The following ZNF708 variants were observed in gnomAD, a reference collection of about 807,000 sequenced individuals.
ZNF708 encodes zinc finger protein 708, also known as ZNF15, ZNF15L1.
A neutral mutation model predicts 47.0 loss-of-function variants in ZNF708; 44 were observed. The observed-to-expected ratio is 0.94, with a 90% CI of 0.74 to 1.20. The LOEUF (loss-of-function observed/expected upper bound fraction) is 1.20. Among genes scored for constraint, ZNF708 ranks in the 50% most tolerant of loss-of-function variants. The pLI is 0.00. For missense variants in ZNF708, 557 were observed against 656.0 expected (o/e 0.85, Z 1.65); for synonymous variants, 184 against 218.5 (o/e 0.84, Z 1.39).
intron 1 of ZNF708, among the ~76,000 whole-genome samples, chr19:21,327,532 CAAAA>C (rs34203181): frequency 7.5e-6 from 1 of 133,870 alleles, no homozygotes; most frequent in Non-Finnish European, 1.6e-5. Context: ...AACTCCACCT[CAAAA>C]AAAAAAAAAA....
chr19:21,316,592 A>T (rs546267967), intron 1 of ZNF708, among the ~76,000 whole-genome samples: 2 of 152,290 alleles, frequency 1.3e-5, no homozygotes, highest in African/African-American at 4.8e-5. Flanking sequence ...TATCTATTCA[A>T]TGCACACATG....
chr19:21,293,398 T>C lies in ZNF708; in HGVS notation c.1568A>G (p.Lys523Arg), dbSNP rs148131308. Residue 523 changes from lysine (K) to arginine (R), a missense_variant, in exon 4 of 4, where the codon AAG becomes AGG. Coordinates refer to ENST00000356929, the MANE Select transcript of ZNF708 (RefSeq NM_021269.3). ...GGGTTTCTCTCCAGTATGAATTATC[T>C]TATGTTTCATAAGGGTTGAGGACTG... ...FNQSSTLMKH[K>R]IIHTGEKPYK... 6.2e-7 allele frequency: 1 copy of C among 1,613,720 alleles called. No homozygotes were observed. The highest frequency in any genetic ancestry group is 1.3e-5 in the African/African-American group (1 of 75,018).
rs537628421 is a variant in ZNF708, at chr19:21,323,699, T to C, written c.3+5511A>G. 2.6e-5 allele frequency among the ~76,000 whole-genome samples: 4 copies of C among 152,280 alleles called. No homozygotes were observed. The East Asian group carries it at 7.7e-4, about 29-fold the overall frequency. Reference sequence around the variant, plus strand: ...CTTCAGTAAGACCCTCCCAATCCCCTTTCATTTTAACATCAACTGCATCCA... The same window carrying C: ...CTTCAGTAAGACCCTCCCAATCCCCCTTCATTTTAACATCAACTGCATCCA... On this transcript the variant is annotated intron_variant, in intron 1 of 3. Coordinates refer to ENST00000356929, the MANE Select transcript of ZNF708 (RefSeq NM_021269.3).
At chr19:21,300,070 G>C (rs768564290) in intron 3 of ZNF708, among the ~76,000 whole-genome samples, 5 of 152,160 alleles carry the variant, frequency 3.3e-5, no homozygotes, top group Non-Finnish European at 5.9e-5. Flanking sequence ...CAAGCACTTT[G>C]GGAGGAAGGC....
intron 1 of ZNF708, among the ~76,000 whole-genome samples, chr19:21,323,127 G>C (rs1005362950): frequency 1.3e-5 from 2 of 152,168 alleles, no homozygotes; most frequent in African/African-American, 4.8e-5. Flanking sequence ...AGACAATCCA[G>C]ATAAATAACT....
intron 3 of ZNF708, among the ~76,000 whole-genome samples, chr19:21,307,600 TGACAGAGTGA>T (rs1415070594): frequency 6.6e-6 from 1 of 151,776 alleles, no homozygotes; most frequent in African/African-American, 2.4e-5. Flanking sequence ...ACAGCCTGGG[TGACAGAGTGA>T]GACTCAGTTT....
intron 1 of ZNF708, among the ~76,000 whole-genome samples, chr19:21,314,532 G>T (rs908899566): frequency 6.6e-6 from 1 of 152,110 alleles, no homozygotes; most frequent in African/African-American, 2.4e-5. Context: ...ACATCTATTT[G>T]CTATACCAAC....
chr19:21,297,094 T>C (rs1007412284), intron 3 of ZNF708, among the ~76,000 whole-genome samples: 11 of 151,064 alleles, frequency 7.3e-5, no homozygotes, highest in African/African-American at 2.7e-4. Context: ...GATTGCACCA[T>C]TGTAATCCAG....
chr19:21,310,662 G>C (rs908674826), intron 1 of ZNF708, 35 bp from the exon 2 acceptor site: 2 of 1,420,638 alleles, frequency 1.4e-6, no homozygotes, highest in Non-Finnish European at 1.8e-6. Context: ...TATTTACCAA[G>C]TGGTTATGGA....
At chr19:21,328,415 T>G (rs1231205899) in intron 1 of ZNF708, among the ~76,000 whole-genome samples, 1 of 152,198 alleles carries the variant, frequency 6.6e-6, no homozygotes, top group Non-Finnish European at 1.5e-5. Flanking sequence ...CAGAAGGAAC[T>G]AGAAATTTAG....
intron 3 of ZNF708, among the ~76,000 whole-genome samples, chr19:21,306,398 T>C (rs1972764695): frequency 6.6e-6 from 1 of 152,196 alleles, no homozygotes; most frequent in African/African-American, 2.4e-5. Context: ...AATAACTTGA[T>C]TTATTAATGA....
At chr19:21,328,523 T>C (rs1426253361) in intron 1 of ZNF708, among the ~76,000 whole-genome samples, 2 of 152,230 alleles carry the variant, frequency 1.3e-5, no homozygotes, top group Middle Eastern at 6.8e-3. Context: ...TTGGAACGCA[T>C]GTGAAAAATG....
intron 1 of ZNF708, among the ~76,000 whole-genome samples, chr19:21,312,029 T>C (rs931301967): frequency 1.3e-5 from 2 of 152,122 alleles, no homozygotes; most frequent in Admixed American, 1.3e-4. Flanking sequence ...GTGCGGTGGC[T>C]CAAGCCTGTA....
intron 3 of ZNF708, among the ~76,000 whole-genome samples, chr19:21,304,307 G>A (rs960765640): frequency 1.2e-4 from 18 of 150,788 alleles, no homozygotes; most frequent in African/African-American, 3.4e-4. Flanking sequence ...TCAATAGAGC[G>A]TAACCTTTTT....
At chr19:21,312,125 T>C (rs919904850) in intron 1 of ZNF708, among the ~76,000 whole-genome samples, 1 of 151,954 alleles carries the variant, frequency 6.6e-6, no homozygotes. Flanking sequence ...TGAAACCCTG[T>C]CTCTACTAAA....
In ZNF708 at chr19:21,301,540, C is replaced by T. The variant is rs149714388; in HGVS notation, c.227-6801G>A. 7.6e-3 allele frequency among the ~76,000 whole-genome samples: 1,158 copies of T among 152,174 alleles called. 11 individuals carry two copies. Among genetic ancestry groups the T allele is most frequent in the Non-Finnish European group, 9.4e-3 (642 of 68,016 alleles). ...CTGAGACAGGAGAGTTGCTTGAACT[C>T]GGGAGGTGGAGGTTGCAGTGAGCCA... On this transcript the variant is annotated intron_variant, in intron 3 of 3. Transcript: ENST00000356929.
At chr19:21,313,683 G>A (rs1341491697) in intron 1 of ZNF708, among the ~76,000 whole-genome samples, 14 of 151,456 alleles carry the variant, frequency 9.2e-5, no homozygotes, top group African/African-American at 2.4e-4. Flanking sequence ...GTTTGAACCC[G>A]GGAGGTGGAG....
intron 1 of ZNF708, among the ~76,000 whole-genome samples, chr19:21,321,141 A>AAAAAGAAAAG (rs58726773): frequency 1.5e-4 from 22 of 151,348 alleles, no homozygotes; most frequent in Non-Finnish European, 2.7e-4. Context: ...TCATCTTAAA[A>AAAAAGAAAAG]AAAAGAAAAG....
In ZNF708 at chr19:21,305,454, TA is replaced by T. The variant is rs200968389; in HGVS notation, c.226+3791del. ...TTTACAGAAATATAGTTTATTTTTTTATTTTTATTTTTTTTAGATGGAGTCT... is the reference window on the plus strand; with the variant it reads ...TTTACAGAAATATAGTTTATTTTTTTTTTTTATTTTTTTTAGATGGAGTCT... On this transcript the variant is annotated intron_variant, in intron 3 of 3. Transcript: ENST00000356929. Among the ~76,000 whole-genome samples, 139 of 150,524 alleles carry T rather than the reference TA, an allele frequency of 9.2e-4. 1 individual carries two copies. The highest frequency in any genetic ancestry group is 4.7e-3 in the East Asian group (24 of 5,136).
Sources: gnomAD v4.1 joint callset for allele counts (sites outside exome capture counted in the v4.1 genomes callset) on GRCh38, gnomAD v4.1.1 for gene constraint, MANE v1.5 for transcripts, NCBI Gene and HGNC (gene_info 2026-07-23, HGNC 2026-07-21) for gene names.